CSMD3: variants seen among roughly 807,000 people sequenced by gnomAD.
CSMD3 encodes the protein CUB and sushi domain-containing protein 3.
In CSMD3, 177 loss-of-function variants were observed where a neutral mutation model predicts 435.2. The observed-to-expected ratio is 0.41, with a 90% confidence interval of 0.36 to 0.46. The LOEUF is 0.46. CSMD3 is among the 20% of genes least tolerant of loss of function. The pLI is 0.34. For missense variants in CSMD3, 4,265 were observed against 4,504.6 expected, an observed-to-expected ratio of 0.95 and a Z score of 1.52; for synonymous variants, 1,656 against 1,520.5, an observed-to-expected ratio of 1.09 and a Z score of -2.07.
At chr8:113,230,686 AAC>A (rs1204835727) in intron 3 of CSMD3, among the ~76,000 whole-genome samples, 1 of 151,604 alleles carries the variant, frequency 6.6e-6, no homozygotes, top group Admixed American at 6.6e-5. Context: ...TTAATGTCTT[AAC>A]ACTGACTCTC....
chr8:112,472,691 A>G lies in CSMD3; in HGVS notation c.5295T>C (p.Arg1765=), dbSNP rs2130754711. 1.9e-6 allele frequency: 3 copies of G among 1,607,342 alleles called. No homozygotes were observed. The highest frequency in any genetic ancestry group is 2.6e-6 in the Non-Finnish European group (3 of 1,174,036). The part of the protein sequence containing the change: ...LPSCHAPCGS[R]STGSEGTVLS... ...GAACAGTGCCTTCTGAACCTGTTGA[A>G]CGACTTCCACAGGGCGCTAGGAAAA... The change falls in exon 32 of 71, where the codon CGT becomes CGC. Residue 1765 remains arginine, a synonymous_variant. Transcript: ENST00000297405.
chr8:112,641,109 C>T (rs1259003565), intron 20 of CSMD3, among the ~76,000 whole-genome samples: 2 of 152,064 alleles, frequency 1.3e-5, no homozygotes, highest in African/African-American at 4.8e-5. Context: ...TAAATGACTT[C>T]GCACAGTGAC....
chr8:112,859,133 G>T lies in CSMD3; in HGVS notation c.1755+12C>A, dbSNP rs757401214. 1.2e-6 allele frequency: 2 copies of T among 1,606,656 alleles called. No homozygotes were observed. The highest frequency in any genetic ancestry group is 1.7e-4 in the Middle Eastern group (1 of 6,040). On this transcript the variant is annotated intron_variant, in intron 11 of 70. Transcript: ENST00000297405. ...TGACTTTTTTTTTAAATCACAGATG[G>T]TGTTCTCTTACCTTATTTGTATTCA...
intron 10 of CSMD3, among the ~76,000 whole-genome samples, chr8:112,886,805 C>T (rs879853516): frequency 1.3e-5 from 2 of 151,494 alleles, no homozygotes; most frequent in Admixed American, 6.6e-5. Context: ...CCCTGTATAC[C>T]TTAAATCATC....
chr8:112,328,337 T>C (rs1327533668), intron 45 of CSMD3, among the ~76,000 whole-genome samples: 1 of 152,172 alleles, frequency 6.6e-6, no homozygotes, highest in Non-Finnish European at 1.5e-5. Flanking sequence ...TAGTTTTAAT[T>C]GAAGAGAAGA....
chr8:112,767,144 A>G, intron 13 of CSMD3, among the ~76,000 whole-genome samples: 1 of 151,928 alleles, frequency 6.6e-6, no homozygotes, highest in Non-Finnish European at 1.5e-5. Flanking sequence ...GATGAAAAGT[A>G]GAGATTATGA....
At chr8:113,376,835 A>G (rs766138703) in intron 1 of CSMD3, 2 of 1,613,378 alleles carry the variant, frequency 1.2e-6, no homozygotes, top group South Asian at 1.1e-5. Flanking sequence ...ATGAGTCGCA[A>G]CAACCGGCCA....
At chr8:113,137,080 C>A (rs1375368409) in intron 4 of CSMD3, among the ~76,000 whole-genome samples, 1 of 151,438 alleles carries the variant, frequency 6.6e-6, no homozygotes, top group Non-Finnish European at 1.5e-5. Flanking sequence ...GAGTACAATT[C>A]TGGAGGGAGT....
chr8:113,244,696 A>C (rs1480304890), intron 3 of CSMD3, among the ~76,000 whole-genome samples: 1 of 152,170 alleles, frequency 6.6e-6, no homozygotes, highest in African/African-American at 2.4e-5. Flanking sequence ...CAACATGTGG[A>C]AAATGATAAA....
intron 7 of CSMD3, among the ~76,000 whole-genome samples, chr8:112,964,180 A>T (rs2084333154): frequency 3.9e-5 from 6 of 151,918 alleles, no homozygotes; most frequent in Admixed American, 3.9e-4. Context: ...CTATATGTTA[A>T]TAAAATATGG....
chr8:112,271,277 T>C (rs192116556), intron 59 of CSMD3, among the ~76,000 whole-genome samples: 1 of 152,338 alleles, frequency 6.6e-6, no homozygotes, highest in African/African-American at 2.4e-5. Flanking sequence ...AAGTATTGTT[T>C]AGCAAAAACA....
chr8:112,516,323 C>G (rs1049301109), intron 28 of CSMD3, among the ~76,000 whole-genome samples: 2 of 152,016 alleles, frequency 1.3e-5, no homozygotes, highest in Admixed American at 1.3e-4. Flanking sequence ...GTCGTAAATT[C>G]AAGATGACAC....
chr8:113,168,233 C>A (rs1336085569), intron 4 of CSMD3, among the ~76,000 whole-genome samples: 1 of 151,834 alleles, frequency 6.6e-6, no homozygotes, highest in African/African-American at 2.4e-5. Context: ...TTTTTAAAAA[C>A]TACAGATTTT....
intron 12 of CSMD3, among the ~76,000 whole-genome samples, chr8:112,814,199 A>T (rs951244388): frequency 6.6e-6 from 1 of 152,174 alleles, no homozygotes; most frequent in African/African-American, 2.4e-5. Context: ...AAATTGATTC[A>T]GGGGCAATAA....
In CSMD3 at chr8:112,284,080, G is replaced by A. The variant is rs146904468; in HGVS notation, c.9332-2730C>T. 3.7e-3 allele frequency among the ~76,000 whole-genome samples: 558 copies of A among 151,774 alleles called. 2 individuals carry two copies. The highest frequency in any genetic ancestry group is 6.2e-3 in the Non-Finnish European group (417 of 67,736). On this transcript the variant is annotated intron_variant, in intron 58 of 70. Coordinates refer to ENST00000297405, the MANE Select transcript of CSMD3 (RefSeq NM_198123.2). ...AAATTTAACTTGTTTGAAATATATT[G>A]CCACAGAACCACTAAAGATATTATA...
chr8:112,370,583 A>G (rs1828294458), intron 38 of CSMD3, among the ~76,000 whole-genome samples: 1 of 152,122 alleles, frequency 6.6e-6, no homozygotes, highest in Admixed American at 6.5e-5. Context: ...TGTTCCCTAA[A>G]GCAGTATCTT....
At chr8:112,909,564 T>C (rs182744464) in intron 10 of CSMD3, among the ~76,000 whole-genome samples, 2 of 151,726 alleles carry the variant, frequency 1.3e-5, no homozygotes. Flanking sequence ...TTAAAAAAAA[T>C]TCATGCTTCA....
chr8:112,579,079 C>T (rs953164930), intron 23 of CSMD3, among the ~76,000 whole-genome samples: 7 of 151,824 alleles, frequency 4.6e-5, no homozygotes, highest in Admixed American at 2.0e-4. Flanking sequence ...ATAAATACTG[C>T]TTGATCATCT....
chr8:112,382,940 G>A (rs1357431808), intron 37 of CSMD3, among the ~76,000 whole-genome samples: 1 of 152,128 alleles, frequency 6.6e-6, no homozygotes, highest in Non-Finnish European at 1.5e-5. Context: ...GCAGTGAGCT[G>A]AGATCTCACC....
Sources: gnomAD v4.1 joint callset for allele counts (sites outside exome capture counted in the v4.1 genomes callset) on GRCh38, gnomAD v4.1.1 for gene constraint, MANE v1.5 for transcripts, NCBI Gene and HGNC (gene_info 2026-07-23, HGNC 2026-07-21) for gene names.